GTF2H1: variants seen among roughly 807,000 people sequenced by gnomAD.
The protein encoded by GTF2H1 is BTF2 p62.
Under a neutral mutation model 71.2 loss-of-function variants are expected in GTF2H1, and 16 were observed. That is an observed-to-expected ratio of 0.22 (90% confidence interval 0.15 to 0.34). The LOEUF is 0.34. Ranked by LOEUF, GTF2H1 falls within the 10% of genes least tolerant of loss-of-function variation. The pLI, the probability that GTF2H1 is intolerant of heterozygous loss-of-function variation, is 1.00. For missense variants in GTF2H1, 498 were observed against 648.2 expected, an observed-to-expected ratio of 0.77 and a Z score of 2.52; for synonymous variants, 215 against 219.0, an observed-to-expected ratio of 0.98 and a Z score of 0.16.
At chr11:18,337,655 A>T (rs1865062869) in intron 3 of GTF2H1, among the ~76,000 whole-genome samples, 1 of 152,008 alleles carries the variant, frequency 6.6e-6, no homozygotes, top group Non-Finnish European at 1.5e-5. Flanking sequence ...ATAACTATTT[A>T]CCTTGTATTT....
intron 11 of GTF2H1, 50 bp from the exon 12 acceptor site, chr11:18,357,902 A>G: frequency 1.8e-6 from 2 of 1,115,700 alleles, no homozygotes; most frequent in South Asian, 1.3e-5. Context: ...GAGGTGGCAA[A>G]AAAAAAAAAG....
intron 3 of GTF2H1, among the ~76,000 whole-genome samples, chr11:18,336,696 T>C (rs4150584): frequency 0.018 from 2,688 of 152,178 alleles, 60 homozygotes; most frequent in African/African-American, 0.053. Flanking sequence ...AGTATGCTTA[T>C]GAACAAGAAA....
chr11:18,323,739 T>C (rs1302690715), intron 1 of GTF2H1, among the ~76,000 whole-genome samples: 1 of 152,216 alleles, frequency 6.6e-6, no homozygotes, highest in African/African-American at 2.4e-5. Flanking sequence ...TGGAACTAAA[T>C]TTAAAAGGGC....
intron 1 of GTF2H1, among the ~76,000 whole-genome samples, chr11:18,324,707 G>A (rs1321842655): frequency 2.0e-5 from 3 of 151,976 alleles, no homozygotes; most frequent in Non-Finnish European, 4.4e-5. Flanking sequence ...CAGTGTGGCA[G>A]TATCAGCCAT....
chr11:18,360,576 G>A, intron 13 of GTF2H1, 39 bp from the exon 14 acceptor site: 1 of 982,438 alleles, frequency 1.0e-6, no homozygotes, highest in Non-Finnish European at 1.5e-6. Flanking sequence ...TCTACAGCTT[G>A]AGATTTCTCT....
chr11:18,346,666 T>C (rs966440652), intron 7 of GTF2H1, among the ~76,000 whole-genome samples: 1 of 152,098 alleles, frequency 6.6e-6, no homozygotes, highest in African/African-American at 2.4e-5. Flanking sequence ...AGAAAAAGAA[T>C]TTGACTCTTT....
intron 1 of GTF2H1, among the ~76,000 whole-genome samples, chr11:18,326,904 A>T (rs1415661076): frequency 6.6e-6 from 1 of 152,104 alleles, no homozygotes; most frequent in African/African-American, 2.4e-5. Flanking sequence ...TTTGCAGTCC[A>T]GTTTCATATT....
intron 7 of GTF2H1, 137 bp from the exon 8 acceptor site, chr11:18,347,449 AAT>A (rs1292463367): frequency 2.1e-5 from 12 of 579,710 alleles, no homozygotes; most frequent in Non-Finnish European, 3.6e-5. Flanking sequence ...CTTGTTTTTA[AAT>A]GTTTGTTCAT....
chr11:18,353,698 TTATC>T (rs1385160144), intron 11 of GTF2H1, among the ~76,000 whole-genome samples: 1 of 152,232 alleles, frequency 6.6e-6, no homozygotes, highest in Non-Finnish European at 1.5e-5. Flanking sequence ...ATTACGTTAT[TTATC>T]ACACATCAAG....
rs1448972560 is a variant in GTF2H1 at position 18,366,766 on chromosome 11, A to G, written c.*897A>G. Reference sequence around the variant, plus strand: ...AAATCTTATGAGTGAGAAATATTAAAAAAATCTTATTTTCACCTCTTTAGA... The same window carrying G: ...AAATCTTATGAGTGAGAAATATTAAGAAAATCTTATTTTCACCTCTTTAGA... On this transcript the variant is annotated 3_prime_UTR_variant, in exon 15 of 15. Transcript: ENST00000265963. 2 of 152,560 alleles carry G rather than the reference A, an allele frequency of 1.3e-5. No individual in the cohort carries two copies. Among genetic ancestry groups the G allele is most frequent in the East Asian group, 3.8e-4 (2 of 5,200 alleles). 9.5% of individuals were successfully genotyped at this position (152,560 alleles called of 1,614,324 possible). A position where few individuals can be genotyped will look rare whatever the true frequency, so the allele number is the denominator to read the frequency against.
intron 7 of GTF2H1, among the ~76,000 whole-genome samples, chr11:18,345,190 C>CA (rs941639169): frequency 3.4e-5 from 5 of 148,400 alleles, no homozygotes; most frequent in Admixed American, 6.7e-5. Context: ...GAACCTGTCT[C>CA]AAAAAAAAAT....
intron 14 of GTF2H1, among the ~76,000 whole-genome samples, chr11:18,364,562 A>G (rs937497181): frequency 6.6e-6 from 1 of 152,216 alleles, no homozygotes; most frequent in African/African-American, 2.4e-5. Flanking sequence ...ACTGCACTCC[A>G]GCCTGGGCAA....
At chr11:18,346,244 G>A (rs187693623) in intron 7 of GTF2H1, among the ~76,000 whole-genome samples, 2 of 152,166 alleles carry the variant, frequency 1.3e-5, no homozygotes, top group African/African-American at 4.8e-5. Flanking sequence ...TAGAGACAAG[G>A]TCTCACTGTG....
chr11:18,343,160 G>A (rs1283156978), intron 7 of GTF2H1, among the ~76,000 whole-genome samples: 2 of 152,170 alleles, frequency 1.3e-5, no homozygotes, highest in Non-Finnish European at 2.9e-5. Context: ...GACCTCAGGT[G>A]GTCCACCCAC....
At chr11:18,336,043 T>G in intron 3 of GTF2H1, 97 bp downstream of exon 3, 1 of 809,932 alleles carries the variant, frequency 1.2e-6, no homozygotes, top group South Asian at 2.4e-5. Context: ...GTTTTTTCGG[T>G]TTTGGTTTTG....
At chr11:18,350,475 G>A (rs1565014887) in intron 9 of GTF2H1, among the ~76,000 whole-genome samples, 1 of 152,102 alleles carries the variant, frequency 6.6e-6, no homozygotes, top group Non-Finnish European at 1.5e-5. Flanking sequence ...AGGTAAGGAT[G>A]TGTTTCTCTG....
intron 3 of GTF2H1, among the ~76,000 whole-genome samples, chr11:18,337,836 G>A (rs1381762808): frequency 6.6e-6 from 1 of 152,062 alleles, no homozygotes; most frequent in African/African-American, 2.4e-5. Flanking sequence ...ACTGGGATAC[G>A]GAGATGAATA....
chr11:18,347,538 A>G (rs745842369), intron 7 of GTF2H1, 50 bp from the exon 8 acceptor site: 15 of 1,406,468 alleles, frequency 1.1e-5, no homozygotes, highest in Admixed American at 2.7e-5. Context: ...GTCTTATAAT[A>G]AGAAAAGCAG....
intron 14 of GTF2H1, among the ~76,000 whole-genome samples, chr11:18,362,917 C>T (rs2133993637): frequency 6.6e-6 from 1 of 152,236 alleles, no homozygotes; most frequent in African/African-American, 2.4e-5. Flanking sequence ...GATCCACCCA[C>T]CTCGGCCTCA....
Sources: gnomAD v4.1 joint callset for allele counts (sites outside exome capture counted in the v4.1 genomes callset) on GRCh38, gnomAD v4.1.1 for gene constraint, MANE v1.5 for transcripts, NCBI Gene and HGNC (gene_info 2026-07-23, HGNC 2026-07-21) for gene names.